The following RABGAP1L variants were observed in gnomAD, a reference collection of about 807,000 sequenced individuals.
RABGAP1L encodes RAB GTPase activating protein 1 like, also known as rab GTPase-activating protein 1-like.
Under a neutral mutation model 137.7 loss-of-function variants are expected in RABGAP1L, and 63 were observed. The ratio of observed to expected loss-of-function variants is 0.46; its 90% CI spans 0.37 to 0.56. RABGAP1L has a LOEUF of 0.56. Among genes scored for constraint, RABGAP1L ranks in the 20% least tolerant of loss-of-function variants. The pLI, the probability that RABGAP1L is intolerant of heterozygous loss-of-function variation, is 0.00. For missense variants in RABGAP1L, 1,095 were observed against 1,244.0 expected (o/e 0.88, Z 1.80); for synonymous variants, 431 against 433.7 (o/e 0.99, Z 0.08).
chr1:174,290,933 T>G (rs1408206838), intron 10 of RABGAP1L, among the ~76,000 whole-genome samples: 2 of 152,100 alleles, frequency 1.3e-5, no homozygotes, highest in African/African-American at 4.8e-5. Context: ...GGCTAAGTTT[T>G]AATTTTTTGT....
chr1:174,424,121 T>A (rs977605699), intron 13 of RABGAP1L, among the ~76,000 whole-genome samples: 1 of 152,120 alleles, frequency 6.6e-6, no homozygotes, highest in African/African-American at 2.4e-5. Context: ...AAGGAAAATA[T>A]GTGTCTATGG....
In RABGAP1L at chr1:174,445,956, A is replaced by G. The variant is rs1318887565; in HGVS notation, c.1710+51811A>G. Among the ~76,000 whole-genome samples, 5 of 152,192 alleles carry G rather than the reference A, an allele frequency of 3.3e-5. No individual in the cohort carries two copies. The East Asian group carries it at 5.8e-4, about 18-fold the overall frequency. On this transcript the variant is annotated intron_variant, in intron 13 of 25. Coordinates refer to ENST00000681986, the MANE Select transcript of RABGAP1L (RefSeq NM_001366446.1). ...TGATCGGAGCTTGCCGAGTAAGTCT[A>G]TAAGCCTGCATGTGCCTGGCAACTG...
chr1:174,539,568 T>G (rs1244518377), intron 13 of RABGAP1L, among the ~76,000 whole-genome samples: 1 of 152,190 alleles, frequency 6.6e-6, no homozygotes, highest in African/African-American at 2.4e-5. Context: ...TTGTGATAGT[T>G]TGCTCAGAAT....
rs370731418 is a variant in RABGAP1L at position 174,336,287 on chromosome 1, G to T, written c.1465+31160G>T. On this transcript the variant is annotated intron_variant, in intron 11 of 25. Transcript: ENST00000681986. Reference sequence around the variant, plus strand: ...CCACAGGCATGTGCCACTACCCCAGGCTAATTTTTAAATTTTTTGTATAGT... The same window carrying T: ...CCACAGGCATGTGCCACTACCCCAGTCTAATTTTTAAATTTTTTGTATAGT... Among the ~76,000 whole-genome samples, 9 of 152,164 alleles carry T rather than the reference G, an allele frequency of 5.9e-5. No individual in the cohort carries two copies. The South Asian group carries it at 1.0e-3, about 18-fold the overall frequency.
chr1:174,623,438 A>T lies in RABGAP1L; in HGVS notation c.1711-13937A>T, dbSNP rs143528483. ...TAATTAAACATGCTCATGGAAGCTGACAGAAAGCTGTTATACTCATAGTTA... is the reference window on the plus strand; with the variant it reads ...TAATTAAACATGCTCATGGAAGCTGTCAGAAAGCTGTTATACTCATAGTTA... On this transcript the variant is annotated intron_variant, in intron 13 of 25. Transcript: ENST00000681986. Among the ~76,000 whole-genome samples, 14 of 152,332 alleles carry T rather than the reference A, an allele frequency of 9.2e-5. No individual in the cohort carries two copies. In the East Asian group the frequency reaches 2.7e-3, roughly 29 times the overall value.
At chr1:174,764,980 T>C (rs1418860288) in intron 18 of RABGAP1L, among the ~76,000 whole-genome samples, 1 of 152,194 alleles carries the variant, frequency 6.6e-6, no homozygotes, top group African/African-American at 2.4e-5. Context: ...GAATACCTGT[T>C]ACTAATAAAC....
chr1:174,734,888 T>C (rs540588166), intron 17 of RABGAP1L, among the ~76,000 whole-genome samples: 11 of 152,170 alleles, frequency 7.2e-5, no homozygotes, highest in Admixed American at 2.6e-4. Flanking sequence ...GTCACACTTA[T>C]GCTTATTTAG....
intron 17 of RABGAP1L, among the ~76,000 whole-genome samples, chr1:174,729,388 A>G (rs762724450): frequency 1.3e-5 from 2 of 152,214 alleles, no homozygotes; most frequent in African/African-American, 2.4e-5. Flanking sequence ...AAGAAAATCT[A>G]GGAAACACCA....
chr1:174,596,452 C>T (rs1266528816), intron 13 of RABGAP1L, among the ~76,000 whole-genome samples: 3 of 152,076 alleles, frequency 2.0e-5, no homozygotes, highest in African/African-American at 7.2e-5. Context: ...TTAAGTTATT[C>T]CTAGATAATT....
At chr1:174,186,500 T>G (rs937347118) in intron 1 of RABGAP1L, among the ~76,000 whole-genome samples, 2 of 152,216 alleles carry the variant, frequency 1.3e-5, no homozygotes, top group Non-Finnish European at 2.9e-5. Flanking sequence ...ATTTAAAGAG[T>G]TCAGAATGCT....
chr1:174,547,556 G>T (rs1327728467), intron 13 of RABGAP1L, among the ~76,000 whole-genome samples: 2 of 152,204 alleles, frequency 1.3e-5, no homozygotes, highest in African/African-American at 4.8e-5. Flanking sequence ...AGTTGAGGAA[G>T]CAGTGAGCTG....
intron 13 of RABGAP1L, among the ~76,000 whole-genome samples, chr1:174,452,788 C>G (rs1655588645): frequency 6.6e-6 from 1 of 152,020 alleles, no homozygotes; most frequent in African/African-American, 2.4e-5. Context: ...GTCTTGATCT[C>G]CTGACCTCGT....
chr1:174,614,160 C>G (rs1390979770), intron 13 of RABGAP1L, among the ~76,000 whole-genome samples: 1 of 152,136 alleles, frequency 6.6e-6, no homozygotes. Context: ...CCTCGATGGT[C>G]TTTACAATTT....
chr1:174,203,306 TC>T (rs1668267335), intron 1 of RABGAP1L, among the ~76,000 whole-genome samples: 1 of 152,178 alleles, frequency 6.6e-6, no homozygotes, highest in African/African-American at 2.4e-5. Flanking sequence ...AAGGAAATGG[TC>T]CATCTTCAGT....
At chr1:174,404,185 A>G (rs994004021) in intron 13 of RABGAP1L, among the ~76,000 whole-genome samples, 5 of 152,206 alleles carry the variant, frequency 3.3e-5, no homozygotes, top group African/African-American at 1.2e-4. Flanking sequence ...TCTTAATCAA[A>G]TGTGTAGAAT....
intron 17 of RABGAP1L, among the ~76,000 whole-genome samples, chr1:174,722,403 G>A (rs1213622449): frequency 6.6e-6 from 1 of 151,852 alleles, no homozygotes; most frequent in Non-Finnish European, 1.5e-5. Context: ...TTAGGGTCTC[G>A]GAACATGAAT....
intron 1 of RABGAP1L, among the ~76,000 whole-genome samples, chr1:174,209,026 T>G (rs986464857): frequency 1.7e-4 from 26 of 152,184 alleles, no homozygotes; most frequent in South Asian, 4.1e-4. Context: ...ATGAAACTGT[T>G]CTACCTCAAA....
intron 13 of RABGAP1L, among the ~76,000 whole-genome samples, chr1:174,602,390 C>T (rs1400429295): frequency 1.3e-5 from 2 of 151,938 alleles, no homozygotes; most frequent in African/African-American, 4.8e-5. Context: ...TTCACTACAC[C>T]AGAATAGCAG....
intron 20 of RABGAP1L, among the ~76,000 whole-genome samples, chr1:174,967,809 G>A (rs1220498720): frequency 6.6e-6 from 1 of 151,844 alleles, no homozygotes; most frequent in East Asian, 1.9e-4. Context: ...TTAACACTGA[G>A]TAGAATTCTA....
Sources: allele counts gnomAD v4.1 joint callset (sites outside exome capture counted in the v4.1 genomes callset), GRCh38; gene constraint gnomAD v4.1.1; transcripts MANE v1.5; gene names NCBI Gene and HGNC (gene_info 2026-07-23, HGNC 2026-07-21).